ANXA11: variants seen among roughly 807,000 people sequenced by gnomAD.
ANXA11 encodes the protein annexin A11.
Under a neutral mutation model 64.7 loss-of-function variants are expected in ANXA11, and 57 were observed. The observed-to-expected ratio is 0.88, with a 90% CI of 0.71 to 1.10. ANXA11 has a LOEUF of 1.10. ANXA11 is among the 50% of genes least tolerant of loss of function. The pLI, the probability that ANXA11 is intolerant of heterozygous loss-of-function variation, is 0.00. For synonymous variants in ANXA11, 260 were observed against 265.2 expected (o/e 0.98, Z 0.19); for missense variants, 675 against 670.7 (o/e 1.01, Z -0.07).
intron 1 of ANXA11, among the ~76,000 whole-genome samples, chr10:80,184,772 A>G (rs1589442514): frequency 6.6e-6 from 1 of 152,200 alleles, no homozygotes; most frequent in East Asian, 1.9e-4. Context: ...GGACTCTTCC[A>G]GGACCACTGA....
At chr10:80,172,058 A>G (rs1845996274) in intron 3 of ANXA11, among the ~76,000 whole-genome samples, 1 of 152,184 alleles carries the variant, frequency 6.6e-6, no homozygotes. Context: ...AAAGAAATCA[A>G]TGATGCCTAG....
intron 13 of ANXA11, among the ~76,000 whole-genome samples, 166 bp downstream of exon 13, chr10:80,158,934 G>A (rs376614495): frequency 6.6e-6 from 1 of 152,154 alleles, no homozygotes; most frequent in Non-Finnish European, 1.5e-5. Flanking sequence ...ACAGGGAACC[G>A]GGAAGCAGCA....
chr10:80,185,215 T>C (rs1846496581), intron 1 of ANXA11, among the ~76,000 whole-genome samples: 1 of 152,178 alleles, frequency 6.6e-6, no homozygotes, highest in East Asian at 1.9e-4. Context: ...TCTGAACACC[T>C]ACCATCTACT....
chr10:80,166,042 G>GCA (rs56904277), intron 8 of ANXA11, 42 bp downstream of exon 8: 17,257 of 448,270 alleles, frequency 0.038, 69 homozygotes, highest in Non-Finnish European at 0.051. Context: ...ACACACGCGC[G>GCA]CACACACACA....
At chr10:80,170,108 C>T (rs1845913934) in intron 4 of ANXA11, among the ~76,000 whole-genome samples, 2 of 152,176 alleles carry the variant, frequency 1.3e-5, no homozygotes, top group Non-Finnish European at 2.9e-5. Context: ...CCTATGGCAC[C>T]TACACTTTCA....
At position 80,205,452 on chromosome 10, in the gene ANXA11, C is replaced by G. The variant is rs1248664966; in HGVS notation, c.-167G>C. 6.6e-6 allele frequency: 1 copy of G among 151,852 alleles called. No individual in the cohort carries two copies. The highest frequency in any genetic ancestry group is 1.5e-5 in the Non-Finnish European group (1 of 67,928). 9.4% of individuals were successfully genotyped at this position (151,852 alleles called of 1,614,324 possible). On this transcript the variant is annotated 5_prime_UTR_variant, in exon 1 of 16. Coordinates refer to ENST00000422982, the MANE Select transcript of ANXA11 (RefSeq NM_145868.2). ...CTGGGTTCTGCCTAGGGGCTGGGTC[C>G]CACTCCCGCTCGCGGGGCCCGCGGG...
chr10:80,193,976 G>A (rs1042288651), intron 1 of ANXA11, among the ~76,000 whole-genome samples: 65 of 151,854 alleles, frequency 4.3e-4, no homozygotes, highest in African/African-American at 1.5e-3. Context: ...GCGCCACCAC[G>A]CCCAGCTAAT....
chr10:80,166,323 G>C, intron 7 of ANXA11, 126 bp from the exon 8 acceptor site: 1 of 611,318 alleles, frequency 1.6e-6, no homozygotes, highest in Non-Finnish European at 2.9e-6. Context: ...ATCCCCCAGG[G>C]GCCTGAGAGA....
At chr10:80,174,449 G>A (rs1031731993) in intron 2 of ANXA11, among the ~76,000 whole-genome samples, 1 of 151,956 alleles carries the variant, frequency 6.6e-6, no homozygotes, top group African/African-American at 2.4e-5. Flanking sequence ...GCTAATTTTT[G>A]TATTTTTAGC....
chr10:80,154,121 GAC>G lies in ANXA11; in HGVS notation c.*1730_*1731del, dbSNP rs1287499388. 7.3e-6 allele frequency: 1 copy of G among 136,088 alleles called. No individual in the cohort carries two copies. Among genetic ancestry groups the G allele is most frequent in the African/African-American group, 2.8e-5 (1 of 36,080 alleles). The allele number at this position is 136,088 out of a possible 1,614,324, so 8.4% of individuals were successfully genotyped here. ...CAGGTAAATTTTTTTTTTTTTTTGA[GAC>G]AGAGTCTCACTCTGTCCACCCAGGT... is the stretch of plus-strand genomic sequence containing the variant. On this transcript the variant is annotated 3_prime_UTR_variant, in exon 16 of 16. Coordinates refer to ENST00000422982, the MANE Select transcript of ANXA11 (RefSeq NM_145868.2).
chr10:80,187,479 T>A (rs1846586394), intron 1 of ANXA11, among the ~76,000 whole-genome samples: 1 of 152,224 alleles, frequency 6.6e-6, no homozygotes, highest in Non-Finnish European at 1.5e-5. Flanking sequence ...CGGTCTATGA[T>A]ATTTTATTAC....
At chr10:80,198,725 T>G (rs1554836012) in intron 1 of ANXA11, among the ~76,000 whole-genome samples, 1 of 151,524 alleles carries the variant, frequency 6.6e-6, no homozygotes, top group Non-Finnish European at 1.5e-5. Context: ...GACCCTGATT[T>G]TTCAAGAAAG....
At position 80,169,011 on chromosome 10, in the gene ANXA11, G is replaced by C. The variant is rs777649022; in HGVS notation, c.519C>G (p.Tyr173Ter). 6.5e-6 allele frequency: 10 copies of C among 1,546,390 alleles called. No homozygotes were observed. The African/African-American group carries it at 1.2e-4, about 19-fold the overall frequency. ...QQQPVPSYPG[Y>*]PGSGTVTPAV... ...CGGGGGTGACAGTCCCAGACCCCGGGTATCCTGGGTAGCTCGGCACTGGCT... is the reference window on the plus strand; with the variant it reads ...CGGGGGTGACAGTCCCAGACCCCGGCTATCCTGGGTAGCTCGGCACTGGCT... Residue 173 changes from tyrosine (Y) to a stop codon, truncating the protein, a stop_gained, in exon 5 of 16, where the codon TAC becomes TAG. Transcript: ENST00000422982. LOFTEE classifies it high-confidence loss of function.
chr10:80,160,566 G>A (rs1845464968), intron 12 of ANXA11, among the ~76,000 whole-genome samples: 2 of 152,098 alleles, frequency 1.3e-5, no homozygotes, highest in Non-Finnish European at 2.9e-5. Context: ...GTCCTTGCCT[G>A]CCACCTCACA....
Position 80,162,163 on chromosome 10 carries a change from G to A in ANXA11, c.1087-135C>T, listed in dbSNP as rs564194188. ...CCAATTTGCAACCTCTGAACTAGAT[G>A]GCCTCTAAAGTGCCTGCTAGGCCTC... On this transcript the variant is annotated intron_variant, in intron 11 of 15. Transcript: ENST00000422982. 20 of 636,532 alleles carry A rather than the reference G, an allele frequency of 3.1e-5. No individual in the cohort carries two copies. In the East Asian group the frequency reaches 5.3e-4, roughly 17 times the overall value. 39.4% of individuals were successfully genotyped at this position (636,532 alleles called of 1,614,324 possible). A position where few individuals can be genotyped will look rare whatever the true frequency, so the allele number is the denominator to read the frequency against.
chr10:80,178,945 A>G (rs899500499), intron 1 of ANXA11, among the ~76,000 whole-genome samples: 1 of 151,686 alleles, frequency 6.6e-6, no homozygotes, highest in African/African-American at 2.4e-5. Flanking sequence ...TCCACACTCT[A>G]GGAAACACTC....
intron 1 of ANXA11, among the ~76,000 whole-genome samples, chr10:80,177,111 C>G (rs1435901357): frequency 6.6e-6 from 1 of 151,986 alleles, no homozygotes; most frequent in African/African-American, 2.4e-5. Context: ...TCCCAAGTAG[C>G]TGGGACTACA....
intron 1 of ANXA11, among the ~76,000 whole-genome samples, chr10:80,193,397 G>C (rs1389690655): frequency 3.9e-5 from 6 of 152,058 alleles, no homozygotes; most frequent in Non-Finnish European, 2.9e-5. Flanking sequence ...TCAGGGGACT[G>C]CTGGCTTCAT....
At chr10:80,173,969 C>T (rs1051724587) in intron 2 of ANXA11, among the ~76,000 whole-genome samples, 1 of 152,230 alleles carries the variant, frequency 6.6e-6, no homozygotes, top group African/African-American at 2.4e-5. Flanking sequence ...GTCCAGGGAA[C>T]TCACTTTGAA....
Sources: gnomAD v4.1 joint callset for allele counts (sites outside exome capture counted in the v4.1 genomes callset) on GRCh38, gnomAD v4.1.1 for gene constraint, MANE v1.5 for transcripts, NCBI Gene and HGNC (gene_info 2026-07-23, HGNC 2026-07-21) for gene names.